ITGA11: variants seen among roughly 807,000 people sequenced by gnomAD.
ITGA11 encodes the protein integrin alpha-11.
A neutral mutation model predicts 141.9 loss-of-function variants in ITGA11; 97 were observed. The ratio of observed to expected loss-of-function variants is 0.68; its 90% CI spans 0.58 to 0.81. The LOEUF is 0.81. ITGA11 is among the 30% of genes least tolerant of loss of function. The pLI is 0.00. For missense variants in ITGA11, 1,387 were observed against 1,559.2 expected, an observed-to-expected ratio of 0.89 and a Z score of 1.86; for synonymous variants, 658 against 624.6, an observed-to-expected ratio of 1.05 and a Z score of -0.80.
chr15:68,429,493 C>T (rs1159497349), intron 1 of ITGA11, among the ~76,000 whole-genome samples: 1 of 152,134 alleles, frequency 6.6e-6, no homozygotes, highest in Non-Finnish European at 1.5e-5. Flanking sequence ...TTAGTTTTGT[C>T]TACCCCATCA....
chr15:68,353,120 A>G (rs1295316317), intron 7 of ITGA11, among the ~76,000 whole-genome samples: 1 of 152,230 alleles, frequency 6.6e-6, no homozygotes, highest in East Asian at 1.9e-4. Flanking sequence ...CGGCTTTGGT[A>G]TCAGAGGTAT....
Position 68,308,675 on chromosome 15 carries a change from G to A in ITGA11, c.3175-979C>T, listed in dbSNP as rs778002290. Among the ~76,000 whole-genome samples the A allele has an allele frequency of 3.3e-5, 5 of 151,996 alleles. No homozygotes were observed. Among genetic ancestry groups the A allele is most frequent in the African/African-American group, 7.3e-5 (3 of 41,378 alleles). ...GGAGAATCACTTGAACCCGGGAGGC[G>A]GAGGTCGCAGTGAGCCGAGATCGTG... On this transcript the variant is annotated intron_variant, in intron 26 of 29. Transcript: ENST00000315757. This position sits in a 1 kb window ranked among gnomAD's most constrained non-coding sequence, Gnocchi z 5.2.
chr15:68,364,394 AT>A, intron 4 of ITGA11, among the ~76,000 whole-genome samples: 1 of 152,306 alleles, frequency 6.6e-6, no homozygotes, highest in East Asian at 1.9e-4. Context: ...CTTGTTGGCT[AT>A]CTACATTTAT....
At chr15:68,406,953 C>T (rs1395760903) in intron 1 of ITGA11, among the ~76,000 whole-genome samples, 1 of 152,218 alleles carries the variant, frequency 6.6e-6, no homozygotes, top group Non-Finnish European at 1.5e-5. Flanking sequence ...CCCCAAATCA[C>T]TCAGCTGGGG....
chr15:68,342,714 G>A (rs1224747420), intron 10 of ITGA11, among the ~76,000 whole-genome samples: 1 of 152,246 alleles, frequency 6.6e-6, no homozygotes, highest in Admixed American at 6.5e-5. Context: ...GTGCTGCTCA[G>A]CCGGGGCAGG....
chr15:68,385,543 A>G (rs1895964423), intron 2 of ITGA11, among the ~76,000 whole-genome samples: 1 of 152,228 alleles, frequency 6.6e-6, no homozygotes, highest in Non-Finnish European at 1.5e-5. Flanking sequence ...CAAATTTGTT[A>G]TCTGGGAAGG....
At chr15:68,357,325 G>T (rs1467177646) in intron 6 of ITGA11, 26 bp from the exon 7 acceptor site, 3 of 1,602,496 alleles carry the variant, frequency 1.9e-6, no homozygotes, top group Non-Finnish European at 2.6e-6. Context: ...GAGGGCAACA[G>T]AACATTTTGA....
At position 68,327,453 on chromosome 15, in the gene ITGA11, C is replaced by T. The variant is rs115253295; in HGVS notation, c.2068+643G>A. 5.4e-3 allele frequency among the ~76,000 whole-genome samples: 830 copies of T among 152,362 alleles called. 5 individuals carry two copies. The highest frequency in any genetic ancestry group is 0.019 in the African/African-American group (796 of 41,576). ...GCACAGCCCCCAGGCCCACCTTTGT[C>T]CTCATCTTCCCTTTGGTCTCTTCTT... is the stretch of plus-strand genomic sequence containing the variant. On this transcript the variant is annotated intron_variant, in intron 16 of 29. Coordinates refer to ENST00000315757, the MANE Select transcript of ITGA11 (RefSeq NM_001004439.2).
At chr15:68,426,650 G>C (rs757326785) in intron 1 of ITGA11, among the ~76,000 whole-genome samples, 5 of 152,108 alleles carry the variant, frequency 3.3e-5, no homozygotes, top group Non-Finnish European at 7.3e-5. Context: ...CCATTTCTCA[G>C]CTGTTGAAGA....
intron 7 of ITGA11, 101 bp from the exon 8 acceptor site, chr15:68,351,503 C>T: frequency 7.5e-7 from 1 of 1,332,034 alleles, no homozygotes; most frequent in Non-Finnish European, 1.0e-6. Context: ...AGGACCAAGT[C>T]CTCCTTGGGC....
chr15:68,314,268 G>A (rs1893494497), intron 22 of ITGA11, among the ~76,000 whole-genome samples: 1 of 152,188 alleles, frequency 6.6e-6, no homozygotes, highest in Non-Finnish European at 1.5e-5. Context: ...CACGGAGGAG[G>A]GATGGTGAGG....
chr15:68,418,871 C>T (rs1896952202), intron 1 of ITGA11, among the ~76,000 whole-genome samples: 1 of 151,612 alleles, frequency 6.6e-6, no homozygotes, highest in South Asian at 2.1e-4. Context: ...TGGGATGAGC[C>T]CCAGCCCAGA....
chr15:68,306,628 C>A (rs2140264402), intron 28 of ITGA11, among the ~76,000 whole-genome samples: 1 of 152,356 alleles, frequency 6.6e-6, no homozygotes, highest in South Asian at 2.1e-4. Context: ...AACAAAAAAG[C>A]TCCTTAGGTG....
At chr15:68,311,222 C>T in intron 25 of ITGA11, 68 bp downstream of exon 25, 1 of 1,298,892 alleles carries the variant, frequency 7.7e-7, no homozygotes. Context: ...AACCTGGGGA[C>T]ACACGTAGGG....
At chr15:68,323,558 GT>G (rs1267544534) in intron 18 of ITGA11, among the ~76,000 whole-genome samples, 1 of 152,178 alleles carries the variant, frequency 6.6e-6, no homozygotes, top group Non-Finnish European at 1.5e-5. Flanking sequence ...GGAAGAATGT[GT>G]CTCACTTGCT....
intron 1 of ITGA11, among the ~76,000 whole-genome samples, chr15:68,407,351 T>G (rs538559954): frequency 6.6e-6 from 1 of 152,150 alleles, no homozygotes; most frequent in African/African-American, 2.4e-5. Context: ...CAGAGACCAG[T>G]TGGCGTTTGC....
At position 68,357,192 on chromosome 15, in the gene ITGA11, T is replaced by C. The variant is rs1279993498; in HGVS notation, c.708A>G (p.Gly236=). Residue 236 remains glycine (G), a synonymous_variant, in exon 7 of 30, where the codon GGA becomes GGG. Coordinates refer to ENST00000315757, the MANE Select transcript of ITGA11 (RefSeq NM_001004439.2). ...VEAASHIEQR[G]GTETRTAFGI... is the part of the protein sequence containing the mutation. ...CAAATGCCGTCCGGGTCTCTGTTCC[T>C]CCTCTCTGCTCAATGTGGCTGGCAG... 1.1e-5 allele frequency: 17 copies of C among 1,613,842 alleles called. No individual in the cohort carries two copies. Among genetic ancestry groups the C allele is most frequent in the Non-Finnish European group, 1.4e-5 (16 of 1,179,880 alleles).
chr15:68,357,104 A>G (rs1417772931), intron 7 of ITGA11, 47 bp downstream of exon 7: 2 of 1,565,810 alleles, frequency 1.3e-6, no homozygotes, highest in South Asian at 1.2e-5. Context: ...TAACTACAAT[A>G]GCATCTGAGA....
Position 68,409,516 on chromosome 15 carries a change from T to TA in ITGA11, c.53-6488dup, listed in dbSNP as rs572059819. Among the ~76,000 whole-genome samples, 184 of 151,514 alleles carry TA rather than the reference T, an allele frequency of 1.2e-3. 2 individuals carry two copies. The highest frequency in any genetic ancestry group is 4.1e-3 in the African/African-American group (169 of 41,228). On this transcript the variant is annotated intron_variant, in intron 1 of 29. Transcript: ENST00000315757. ...GTAGTACTGATACTCTACCTATCAGTACTACCTGATTAGGTAGGTACTGAT... is the reference window on the plus strand; with the variant it reads ...GTAGTACTGATACTCTACCTATCAGTAACTACCTGATTAGGTAGGTACTGAT...
Sources: gnomAD v4.1 joint callset for allele counts (sites outside exome capture counted in the v4.1 genomes callset) on GRCh38, gnomAD v4.1.1 for gene constraint, Gnocchi (gnomAD v3.1) non-coding constraint, MANE v1.5 for transcripts, NCBI Gene and HGNC (gene_info 2026-07-23, HGNC 2026-07-21) for gene names.